PLXDC1: variants seen among roughly 807,000 people sequenced by gnomAD.
PLXDC1 encodes the protein plexin domain-containing protein 1.
A neutral mutation model predicts 61.3 loss-of-function variants in PLXDC1; 39 were observed. The observed-to-expected ratio is 0.64, with a 90% CI of 0.49 to 0.83. The LOEUF (loss-of-function observed/expected upper bound fraction) is 0.83, where lower values mean the gene tolerates loss of function less well. PLXDC1 is among the 40% of genes least tolerant of loss of function. The pLI is 0.00. For missense variants in PLXDC1, 596 were observed against 666.5 expected (o/e 0.89, Z 1.17); for synonymous variants, 212 against 254.5 (o/e 0.83, Z 1.59).
At chr17:39,126,615 TC>T (rs1399874335) in intron 2 of PLXDC1, among the ~76,000 whole-genome samples, 3 of 152,232 alleles carry the variant, frequency 2.0e-5, no homozygotes, top group Middle Eastern at 3.4e-3. Flanking sequence ...CTGGAACCTA[TC>T]CCAGCGGCTC....
intron 1 of PLXDC1, among the ~76,000 whole-genome samples, chr17:39,148,715 A>G (rs2045356308): frequency 6.6e-6 from 1 of 152,014 alleles, no homozygotes; most frequent in Non-Finnish European, 1.5e-5. Flanking sequence ...GATTACAGGC[A>G]TGAGCCACCC....
rs112358816 is a variant in PLXDC1, at chr17:39,105,442, G to T, written c.811+412C>A. Among the ~76,000 whole-genome samples the T allele has an allele frequency of 6.5e-3, 991 of 152,254 alleles. 8 individuals are homozygous for T. Among genetic ancestry groups the T allele is most frequent in the African/African-American group, 0.022 (930 of 41,520 alleles). On this transcript the variant is annotated intron_variant, in intron 7 of 13. Transcript: ENST00000315392. ...ATGTGGTTTGCTGAAGGACAGGGAG[G>T]TAACAGCATGGCCGAGGCTGGATTC...
intron 1 of PLXDC1, among the ~76,000 whole-genome samples, chr17:39,142,881 T>TA (rs1401033896): frequency 6.6e-6 from 1 of 152,128 alleles, no homozygotes; most frequent in Non-Finnish European, 1.5e-5. Context: ...CTCACACCTA[T>TA]AATCCTAGCA....
intron 7 of PLXDC1, among the ~76,000 whole-genome samples, chr17:39,098,793 G>A (rs1910316885): frequency 6.6e-6 from 1 of 152,164 alleles, no homozygotes; most frequent in African/African-American, 2.4e-5. Flanking sequence ...AGGGGACTGT[G>A]TCATACCGAT....
At chr17:39,141,774 A>G (rs1477691677) in intron 1 of PLXDC1, among the ~76,000 whole-genome samples, 1 of 151,982 alleles carries the variant, frequency 6.6e-6, no homozygotes, top group Non-Finnish European at 1.5e-5. Context: ...ATTCCCACCA[A>G]CCGTGCACAT....
intron 6 of PLXDC1, among the ~76,000 whole-genome samples, chr17:39,107,206 A>AT (rs1910624503): frequency 6.6e-6 from 1 of 152,204 alleles, no homozygotes; most frequent in Non-Finnish European, 1.5e-5. Context: ...CACAGTGGTG[A>AT]TTCTACATTT....
intron 7 of PLXDC1, among the ~76,000 whole-genome samples, chr17:39,100,409 C>T (rs776719982): frequency 3.3e-5 from 5 of 152,170 alleles, no homozygotes; most frequent in Non-Finnish European, 7.3e-5. Context: ...GTACCCATCA[C>T]CACACCCAGC....
chr17:39,110,803 A>G (rs1327394324), intron 2 of PLXDC1, among the ~76,000 whole-genome samples: 1 of 152,186 alleles, frequency 6.6e-6, no homozygotes, highest in Admixed American at 6.5e-5. Flanking sequence ...TGCTCTTACG[A>G]TAAGCGACAC....
chr17:39,111,120 C>T (rs1222803512), intron 2 of PLXDC1, among the ~76,000 whole-genome samples: 1 of 152,166 alleles, frequency 6.6e-6, no homozygotes, highest in East Asian at 1.9e-4. Context: ...CTCTCACCAC[C>T]TTGTGCATCC....
At chr17:39,096,869 G>A (rs535899938) in intron 7 of PLXDC1, 24 of 469,826 alleles carry the variant, frequency 5.1e-5, no homozygotes, top group African/African-American at 3.8e-4. Flanking sequence ...GCCACATAGC[G>A]GATACACTGT....
rs1909610586 is a variant in PLXDC1 at position 39,082,792 on chromosome 17, T to C, written c.989+667A>G. ...GGGAACAGAGCTTGAATGCTGAGTC[T>C]AATCTGTGAGGAAATGATTTCAGAA... On this transcript the variant is annotated intron_variant, in intron 9 of 13. Transcript: ENST00000315392. Among the ~76,000 whole-genome samples, 5 of 152,224 alleles carry C rather than the reference T, an allele frequency of 3.3e-5. No homozygotes were observed. In the South Asian group the frequency reaches 8.3e-4, roughly 25 times the overall value.
chr17:39,092,594 C>T (rs1254833615), intron 7 of PLXDC1, among the ~76,000 whole-genome samples: 1 of 152,240 alleles, frequency 6.6e-6, no homozygotes, highest in Non-Finnish European at 1.5e-5. Flanking sequence ...CTCATTTCCC[C>T]TTACAACTTC....
intron 4 of PLXDC1, 130 bp from the exon 5 acceptor site, chr17:39,108,375 TC>T: frequency 1.0e-6 from 1 of 965,896 alleles, no homozygotes; most frequent in Non-Finnish European, 1.6e-6. Context: ...CTGTCGCCCA[TC>T]CCCATCTGGC....
At chr17:39,078,131 T>G (rs1436960549) in intron 10 of PLXDC1, 83 bp from the exon 11 acceptor site, 26 of 1,329,656 alleles carry the variant, frequency 2.0e-5, no homozygotes, top group Non-Finnish European at 2.3e-5. Context: ...TACAGGGCAA[T>G]TTATCTGTCA....
intron 2 of PLXDC1, among the ~76,000 whole-genome samples, chr17:39,120,405 C>T (rs749565561): frequency 5.3e-5 from 8 of 152,140 alleles, no homozygotes; most frequent in East Asian, 1.9e-4. Flanking sequence ...TGAGCCACTG[C>T]GCCTGGCCTG....
chr17:39,083,263 C>G (rs1014419981), intron 9 of PLXDC1, among the ~76,000 whole-genome samples, 196 bp downstream of exon 9: 3 of 152,168 alleles, frequency 2.0e-5, no homozygotes, highest in African/African-American at 7.2e-5. Flanking sequence ...GAGGAGGGAG[C>G]CTGAGTAGCT....
chr17:39,116,819 G>T (rs1039211074), intron 2 of PLXDC1, among the ~76,000 whole-genome samples: 1 of 152,168 alleles, frequency 6.6e-6, no homozygotes, highest in Admixed American at 6.6e-5. Flanking sequence ...GTCCAAAGAG[G>T]GCTGCCTATA....
chr17:39,111,076 C>G (rs73983209), intron 2 of PLXDC1, among the ~76,000 whole-genome samples: 5,414 of 152,166 alleles, frequency 0.036, 142 homozygotes, highest in Middle Eastern at 0.068. Flanking sequence ...CCACCATCAG[C>G]CAGCCCCAGC....
Position 39,122,114 on chromosome 17 carries a change from G to A in PLXDC1, c.256-12723C>T, listed in dbSNP as rs867939459. ...TCTGTCAAAAAAAAAAAAAAAAAGGGGGGGGGGACTGGGTGCAGTGACTCA... is the reference window on the plus strand; with the variant it reads ...TCTGTCAAAAAAAAAAAAAAAAAGGAGGGGGGGACTGGGTGCAGTGACTCA... On this transcript the variant is annotated intron_variant, in intron 2 of 13. Coordinates refer to ENST00000315392, the MANE Select transcript of PLXDC1 (RefSeq NM_020405.5). Among the ~76,000 whole-genome samples the A allele has an allele frequency of 5.4e-4, 41 of 76,050 alleles. 2 individuals are homozygous for A. The South Asian group carries it at 6.8e-3, about 13-fold the overall frequency. 49.9% of individuals were successfully genotyped at this position (76,050 alleles called of 152,430 possible).
Sources: gnomAD v4.1 joint callset for allele counts (sites outside exome capture counted in the v4.1 genomes callset) on GRCh38, gnomAD v4.1.1 for gene constraint, MANE v1.5 for transcripts, NCBI Gene and HGNC (gene_info 2026-07-23, HGNC 2026-07-21) for gene names.